The following COPS7A variants were observed in gnomAD, a reference collection of about 807,000 sequenced individuals.
COPS7A encodes the protein COP9 signalosome complex subunit 7a.
In COPS7A, 20 loss-of-function variants were observed where a neutral mutation model predicts 35.2. The ratio of observed to expected loss-of-function variants is 0.57; its 90% CI spans 0.40 to 0.83. The LOEUF (loss-of-function observed/expected upper bound fraction) is 0.83, where lower values mean the gene tolerates loss of function less well. COPS7A is among the 40% of genes least tolerant of loss of function. The pLI, the probability that COPS7A is intolerant of heterozygous loss-of-function variation, is 0.00. For missense variants in COPS7A, 247 were observed against 347.5 expected (o/e 0.71, Z 2.30); for synonymous variants, 139 against 141.4 (o/e 0.98, Z 0.12).
chr12:6,730,732 G>A lies in COPS7A; in HGVS notation c.700G>A (p.Asp234Asn). 6.2e-7 allele frequency: 1 copy of A among 1,614,134 alleles called. No individual in the cohort carries two copies. Among genetic ancestry groups the A allele is most frequent in the Non-Finnish European group, 8.5e-7 (1 of 1,180,026 alleles). ...TAAAAAATSQDPEQHLTELRE... is the reference protein window; with the variant it reads ...TAAAAAATSQNPEQHLTELRE... ...AGCAGCAGCCGCAGCCACATCTCAG[G>A]ACCCTGAGCAACACCTGACTGAGCT... The change falls in exon 7 of 8, where the codon GAC (aspartate) becomes AAC (asparagine). Residue 234 changes from aspartate (D) to asparagine (N), a missense_variant. Physicochemically the swap from Asp to Asn is conservative, Grantham distance 23. Transcript: ENST00000543155.
chr12:6,726,475 G>A (rs1325438753), intron 2 of COPS7A, among the ~76,000 whole-genome samples: 1 of 151,728 alleles, frequency 6.6e-6, no homozygotes, highest in Admixed American at 6.6e-5. Context: ...GGTGGCAGGC[G>A]CCTGTAATCC....
chr12:6,724,389 G>T (rs994108486), intron 1 of COPS7A: 2 of 553,522 alleles, frequency 3.6e-6, no homozygotes, highest in Middle Eastern at 2.7e-4. Flanking sequence ...GTTCAATGGG[G>T]TGCACGTGAT....
rs953258411 is a variant in COPS7A at position 6,727,630 on chromosome 12, G to A, written c.163-296G>A. ...TTTGCAGTGTCTGGTGTGTATGTCTGTTTGACTCTGAAAACTGAATGTCTT... is the reference window on the plus strand; with the variant it reads ...TTTGCAGTGTCTGGTGTGTATGTCTATTTGACTCTGAAAACTGAATGTCTT... On this transcript the variant is annotated intron_variant, in intron 2 of 7. Coordinates refer to ENST00000543155, the MANE Select transcript of COPS7A (RefSeq NM_001164094.2). 7.4e-6 allele frequency: 4 copies of A among 541,856 alleles called. No homozygotes were observed. In the African/African-American group the frequency reaches 7.5e-5, roughly 10 times the overall value. 33.6% of individuals were successfully genotyped at this position (541,856 alleles called of 1,614,324 possible). A position where few individuals can be genotyped will look rare whatever the true frequency, so the allele number is the denominator to read the frequency against.
chr12:6,728,304 A>G lies in COPS7A; in HGVS notation c.320A>G (p.Lys107Arg). Reference sequence around the variant, plus strand: ...CTCTCAGTTGTCACCCTGGCTGCTAAAGTAAAGGTGAGTGGCAGTCCCCCA... The same window carrying G: ...CTCTCAGTTGTCACCCTGGCTGCTAGAGTAAAGGTGAGTGGCAGTCCCCCA... Reference protein sequence around the residue: ...RHLSVVTLAAKVKCIPYAVLL... With the variant: ...RHLSVVTLAARVKCIPYAVLL... Residue 107 changes from lysine (K) to arginine (R), a missense_variant, in exon 4 of 8, where the codon AAA becomes AGA. Coordinates refer to ENST00000543155, the MANE Select transcript of COPS7A (RefSeq NM_001164094.2). 6.2e-7 allele frequency: 1 copy of G among 1,613,826 alleles called. No individual in the cohort carries two copies.
In COPS7A at chr12:6,729,566, G is replaced by C. The variant is rs1253972380; in HGVS notation, c.530+117G>C. 45 of 1,076,220 alleles carry C rather than the reference G, an allele frequency of 4.2e-5. No individual in the cohort carries two copies. Among genetic ancestry groups the C allele is most frequent in the Non-Finnish European group, 5.7e-5 (43 of 751,372 alleles). 66.7% of individuals were successfully genotyped at this position (1,076,220 alleles called of 1,614,324 possible). A position where few individuals can be genotyped will look rare whatever the true frequency, so the allele number is the denominator to read the frequency against. On this transcript the variant is annotated intron_variant, in intron 5 of 7. Transcript: ENST00000543155. This position sits in a 1 kb window ranked among gnomAD's most constrained non-coding sequence, Gnocchi z 4.2. ...CAGAGGTGGAACCCAAGAGGATGAA[G>C]GGAAATGAGTTCATCCCTCCAAAGG...
At chr12:6,728,342 A>G (rs961847669) in intron 4 of COPS7A, 31 bp downstream of exon 4, 6 of 1,589,726 alleles carry the variant, frequency 3.8e-6, no homozygotes, top group Admixed American at 1.7e-5. Flanking sequence ...CCTACGGTCT[A>G]GAGCATCCTT....
intron 1 of COPS7A, chr12:6,724,387 G>A (rs746761669): frequency 1.8e-6 from 1 of 551,760 alleles, no homozygotes; most frequent in Non-Finnish European, 3.4e-6. Context: ...GGGTTCAATG[G>A]GGTGCACGTG....
At position 6,726,211 on chromosome 12, in the gene COPS7A, G is replaced by C. The variant is rs927002327; in HGVS notation, c.162+1393G>C. Among the ~76,000 whole-genome samples the C allele has an allele frequency of 3.9e-5, 6 of 151,974 alleles. No homozygotes were observed. In the East Asian group the frequency reaches 1.2e-3, roughly 29 times the overall value. On this transcript the variant is annotated intron_variant, in intron 2 of 7. Coordinates refer to ENST00000543155, the MANE Select transcript of COPS7A (RefSeq NM_001164094.2). ...CGCCTGTAGTCCCAGCTGCTTGGAA[G>C]GGTGAGGCTGAGGTTGCAGTGAGTT...
rs904366384 is a variant in COPS7A at position 6,729,631 on chromosome 12, G to A, written c.530+182G>A. ...AGGAGTAGGGGAGGCCCTGGGAGGC[G>A]GCAGAAGTCAGTGTCCTTGATATAG... On this transcript the variant is annotated intron_variant, in intron 5 of 7. Transcript: ENST00000543155. The surrounding 1 kb of genome is among the most constrained non-coding windows in gnomAD (Gnocchi z 4.2). Among the ~76,000 whole-genome samples the A allele has an allele frequency of 1.1e-4, 17 of 152,160 alleles. No individual in the cohort carries two copies. The highest frequency in any genetic ancestry group is 4.1e-4 in the African/African-American group (17 of 41,416).
At chr12:6,727,671 G>T (rs66951403) in intron 2 of COPS7A, 38,921 of 623,434 alleles carry the variant, frequency 0.062, 1,344 homozygotes, top group Admixed American at 0.097. Context: ...CTGAATTTAG[G>T]GTAGGAATTG....
At chr12:6,730,615 G>A in intron 6 of COPS7A, 54 bp from the exon 7 acceptor site, 1 of 1,611,974 alleles carries the variant, frequency 6.2e-7, no homozygotes, top group South Asian at 1.1e-5. Flanking sequence ...GATGAGCAGG[G>A]GCTGGAAGGT....
intron 2 of COPS7A, 75 bp downstream of exon 2, chr12:6,724,893 C>A (rs1315210838): frequency 1.3e-6 from 2 of 1,486,088 alleles, no homozygotes; most frequent in Non-Finnish European, 9.3e-7. Flanking sequence ...GGGCAGGGCT[C>A]ATTTTGTGAT....
At chr12:6,724,912 C>CGG in intron 2 of COPS7A, 94 bp downstream of exon 2, 1 of 1,333,150 alleles carries the variant, frequency 7.5e-7, no homozygotes, top group East Asian at 2.3e-5. Context: ...ATCCAATAAC[C>CGG]ATTCAGTTGA....
chr12:6,726,341 C>T (rs1480559250), intron 2 of COPS7A, among the ~76,000 whole-genome samples: 8 of 150,124 alleles, frequency 5.3e-5, no homozygotes. Context: ...TCATGCCTCT[C>T]ATGCCTGTTC....
rs952615938 is a variant in COPS7A at position 6,731,467 on chromosome 12, C to T, written c.*428C>T. 4.4e-5 allele frequency: 19 copies of T among 432,802 alleles called. No individual in the cohort carries two copies. Among genetic ancestry groups the T allele is most frequent in the Non-Finnish European group, 6.8e-5 (19 of 281,106 alleles). 26.8% of individuals were successfully genotyped at this position (432,802 alleles called of 1,614,324 possible). ...CCCTACCCCTGACCTATTGAGCAGC[C>T]TCTGAAGAGCCATAGGGCCCCCACC... On this transcript the variant is annotated 3_prime_UTR_variant, in exon 8 of 8. Transcript: ENST00000543155.
chr12:6,726,305 C>T (rs559877858), intron 2 of COPS7A, among the ~76,000 whole-genome samples: 15 of 145,600 alleles, frequency 1.0e-4, no homozygotes, highest in African/African-American at 3.6e-4. Context: ...AAGACAAAAA[C>T]GAAAAACAGG....
rs1340808976 is a variant in COPS7A at position 6,729,516 on chromosome 12, AG to A, written c.530+68del. On this transcript the variant is annotated intron_variant, in intron 5 of 7. Coordinates refer to ENST00000543155, the MANE Select transcript of COPS7A (RefSeq NM_001164094.2). This position sits in a 1 kb window ranked among gnomAD's most constrained non-coding sequence, Gnocchi z 4.2. The stretch of plus-strand genomic sequence containing the variant: ...AAAGAGAAAGGCGCTTCAGGGTGAG[AG>A]AGGGCAGGAGCTGGGCTGGTCCGCA... The A allele has an allele frequency of 1.2e-5, 18 of 1,516,624 alleles. No individual in the cohort carries two copies. Among genetic ancestry groups the A allele is most frequent in the Admixed American group, 1.9e-5 (1 of 54,008 alleles). 93.9% of individuals were successfully genotyped at this position (1,516,624 alleles called of 1,614,324 possible). A position where few individuals can be genotyped will look rare whatever the true frequency, so the allele number is the denominator to read the frequency against.
chr12:6,731,755 T>G lies in COPS7A; in HGVS notation c.*716T>G, dbSNP rs1941401588. 1 of 152,334 alleles carries G rather than the reference T, an allele frequency of 6.6e-6. No homozygotes were observed. Among genetic ancestry groups the G allele is most frequent in the Non-Finnish European group, 1.5e-5 (1 of 68,090 alleles). 9.4% of individuals were successfully genotyped at this position (152,334 alleles called of 1,614,324 possible). A position where few individuals can be genotyped will look rare whatever the true frequency, so the allele number is the denominator to read the frequency against. ...AGGGTTTAATCTCCTTTTGTGAGTT[T>G]GGTGGGGAAGGGAAGGGTATATAGA... On this transcript the variant is annotated 3_prime_UTR_variant, in exon 8 of 8. Coordinates refer to ENST00000543155, the MANE Select transcript of COPS7A (RefSeq NM_001164094.2).
intron 3 of COPS7A, 70 bp from the exon 4 acceptor site, chr12:6,728,153 A>G (rs1490776954): frequency 1.3e-6 from 2 of 1,510,972 alleles, no homozygotes; most frequent in Non-Finnish European, 1.8e-6. Context: ...AGTGGGAGGG[A>G]AGGGAAGGAG....
Sources: allele counts gnomAD v4.1 joint callset (sites outside exome capture counted in the v4.1 genomes callset), GRCh38; gene constraint gnomAD v4.1.1; non-coding constraint Gnocchi (gnomAD v3.1); transcripts MANE v1.5; gene names NCBI Gene and HGNC (gene_info 2026-07-23, HGNC 2026-07-21).